UBQLN1: variants seen among roughly 807,000 people sequenced by gnomAD.
UBQLN1 encodes ubiquilin 1, also known as ubiquilin-1.
UBQLN1 carries 13 observed loss-of-function variants against 65.4 expected under a neutral mutation model. That is an observed-to-expected ratio of 0.20 (90% confidence interval 0.13 to 0.32). The LOEUF (loss-of-function observed/expected upper bound fraction) is 0.32, where lower values mean the gene tolerates loss of function less well. UBQLN1 is among the 10% of genes least tolerant of loss of function. The probability of loss-of-function intolerance (pLI) is 1.00; values close to 1 mark genes in which losing one functional copy is unlikely to be tolerated. For synonymous variants in UBQLN1, 267 were observed against 247.8 expected (o/e 1.08, Z -0.73); for missense variants, 561 against 724.0 (o/e 0.77, Z 2.58).
intron 1 of UBQLN1, among the ~76,000 whole-genome samples, chr9:83,703,249 C>T (rs755506407): frequency 4.6e-5 from 7 of 152,066 alleles, no homozygotes; most frequent in East Asian, 1.9e-4. Flanking sequence ...GGTTGAGCAT[C>T]CCCAATCCAA....
At chr9:83,662,939 G>A (rs546035980) in intron 10 of UBQLN1, among the ~76,000 whole-genome samples, 3 of 152,052 alleles carry the variant, frequency 2.0e-5, no homozygotes, top group Non-Finnish European at 4.4e-5. Flanking sequence ...AGCCAGGTGT[G>A]GTGGTCTGCG....
At position 83,661,071 on chromosome 9, in the gene UBQLN1, T is replaced by C. The variant is rs1334356985; in HGVS notation, c.*716A>G. ...TTACATTATGTGTCTGTACAATTAA[T>C]TGTCCTTAAAGAGATAACCAGAATC... On this transcript the variant is annotated 3_prime_UTR_variant, in exon 11 of 11. Transcript: ENST00000376395. The C allele has an allele frequency of 1.3e-5, 2 of 152,200 alleles. No individual in the cohort carries two copies. The highest frequency in any genetic ancestry group is 1.3e-4 in the Admixed American group (2 of 15,290). The allele number at this position is 152,200 out of a possible 1,614,324, so 9.4% of individuals were successfully genotyped here.
rs775538559 is a variant in UBQLN1, at chr9:83,664,075, G to A, written c.1449-32C>T. On this transcript the variant is annotated intron_variant, in intron 9 of 10. Transcript: ENST00000376395. ...AAAGCACAAATAGGAAATATCCTAA[G>A]GTCCTGCAAAACCAGAAGCCAGTCC... The A allele has an allele frequency of 1.9e-6, 3 of 1,585,268 alleles. 1 individual carries two copies. Among genetic ancestry groups the A allele is most frequent in the East Asian group, 2.2e-5 (1 of 44,518 alleles).
chr9:83,663,828 T>C, intron 10 of UBQLN1, 47 bp downstream of exon 10: 1 of 1,566,158 alleles, frequency 6.4e-7, no homozygotes, highest in Non-Finnish European at 8.6e-7. Context: ...AATTTCTAAA[T>C]TTCCAACATT....
At chr9:83,694,802 C>T (rs1255757350) in intron 1 of UBQLN1, among the ~76,000 whole-genome samples, 2 of 152,072 alleles carry the variant, frequency 1.3e-5, no homozygotes, top group Non-Finnish European at 1.5e-5. Context: ...TTTATGCATA[C>T]GATGTCACAA....
At chr9:83,666,506 C>A in intron 7 of UBQLN1, 73 bp from the exon 8 acceptor site, 1 of 1,483,454 alleles carries the variant, frequency 6.7e-7, no homozygotes, top group East Asian at 2.3e-5. Context: ...TTTATTCTAT[C>A]TTCCCCCAAG....
In UBQLN1 at chr9:83,671,005, A is replaced by G. The variant is rs1452869592; in HGVS notation, c.1106-1678T>C. On this transcript the variant is annotated intron_variant, in intron 6 of 10. Coordinates refer to ENST00000376395, the MANE Select transcript of UBQLN1 (RefSeq NM_013438.5). ...AGATGGAGTCTCGCTTTTGTCACCCAGGCTGGAGTGAGGGGAGTGGCACGA... is the reference window on the plus strand; with the variant it reads ...AGATGGAGTCTCGCTTTTGTCACCCGGGCTGGAGTGAGGGGAGTGGCACGA... Among the ~76,000 whole-genome samples the G allele has an allele frequency of 2.0e-5, 3 of 152,058 alleles. No individual in the cohort carries two copies. The East Asian group carries it at 5.8e-4, about 29-fold the overall frequency.
Position 83,707,631 on chromosome 9 carries a change from C to T in UBQLN1, c.49G>A (p.Ala17Thr), listed in dbSNP as rs1393367699. ...SGGPPGSQDS[A>T]AGAEGAGAPA... ...GCGCCAGCACCTTCGGCTCCGGCGGCGCTATCCTGGGAGCCCGGAGGACCG... is the reference window on the plus strand; with the variant it reads ...GCGCCAGCACCTTCGGCTCCGGCGGTGCTATCCTGGGAGCCCGGAGGACCG... Residue 17 changes from alanine to threonine, a missense_variant, in exon 1 of 11, where the codon GCC (alanine) becomes ACC (threonine). Ala to Thr is a moderately conservative substitution (Grantham distance 58). This residue lies in a region of UBQLN1 where 101 missense variants were observed against 104.9 expected (regional missense o/e 0.96). Coordinates refer to ENST00000376395, the MANE Select transcript of UBQLN1 (RefSeq NM_013438.5). 1.3e-6 allele frequency: 2 copies of T among 1,578,688 alleles called. No homozygotes were observed. The highest frequency in any genetic ancestry group is 2.7e-5 in the African/African-American group (2 of 73,958).
intron 6 of UBQLN1, among the ~76,000 whole-genome samples, chr9:83,671,935 G>A (rs1426081059): frequency 1.3e-5 from 2 of 152,202 alleles, no homozygotes; most frequent in African/African-American, 2.4e-5. Context: ...ATGTGGCCAC[G>A]TTCCTTGATG....
At position 83,663,984 on chromosome 9, in the gene UBQLN1, G is replaced by C. The variant is rs151070080; in HGVS notation, c.1508C>G (p.Ser503Cys). 517 of 1,614,020 alleles carry C rather than the reference G, an allele frequency of 3.2e-4. No individual in the cohort carries two copies. The highest frequency in any genetic ancestry group is 4.2e-4 in the Non-Finnish European group (494 of 1,180,018). Residue 503 changes from serine to cysteine, a missense_variant, in exon 10 of 11, where the codon TCT (serine) becomes TGT (cysteine). By Grantham distance (112) the Ser-to-Cys change is moderately radical (BLOSUM62 -1). Transcript: ENST00000376395. ...STGGSSGTNG[S>C]NATPSENTSP... The stretch of plus-strand genomic sequence containing the variant: ...TGTGTTTTCACTAGGTGTGGCGTTA[G>C]ATCCATTAGTTCCCGAAGAGCCTCC...
chr9:83,688,973 T>TA (rs566622902), intron 1 of UBQLN1, among the ~76,000 whole-genome samples: 74 of 152,362 alleles, frequency 4.9e-4, no homozygotes, highest in African/African-American at 1.7e-3. Flanking sequence ...TTCACTCATT[T>TA]AAAGTATACG....
chr9:83,673,209 G>A (rs1027561131), intron 6 of UBQLN1, among the ~76,000 whole-genome samples: 4 of 152,204 alleles, frequency 2.6e-5, no homozygotes, highest in East Asian at 1.9e-4. Context: ...CAGCCTGGGC[G>A]ACGACTCTGT....
At chr9:83,682,861 ATG>A in intron 3 of UBQLN1, 88 bp downstream of exon 3, 1 of 577,322 alleles carries the variant, frequency 1.7e-6, no homozygotes. Context: ...AAGTGACATA[ATG>A]TTTTATTTTC....
intron 1 of UBQLN1, among the ~76,000 whole-genome samples, chr9:83,697,758 CGAA>C (rs200362898): frequency 0.012 from 1,294 of 106,914 alleles, 24 homozygotes; most frequent in African/African-American, 0.041. Context: ...TTTTTTGAGA[CGAA>C]GTCTCACTCT....
chr9:83,661,605 C>T lies in UBQLN1; in HGVS notation c.*182G>A. The T allele has an allele frequency of 1.8e-6, 1 of 562,160 alleles. No individual in the cohort carries two copies. Among genetic ancestry groups the T allele is most frequent in the Non-Finnish European group, 2.8e-6 (1 of 353,234 alleles). 34.8% of individuals were successfully genotyped at this position (562,160 alleles called of 1,614,324 possible). A position where few individuals can be genotyped will look rare whatever the true frequency, so the allele number is the denominator to read the frequency against. On this transcript the variant is annotated 3_prime_UTR_variant, in exon 11 of 11. Coordinates refer to ENST00000376395, the MANE Select transcript of UBQLN1 (RefSeq NM_013438.5). Reference sequence around the variant, plus strand: ...GCAGTAGCCTTAATTCCCACTGTTCCAGAAAAGAAAAATACAGAAAAACCC... The same window carrying T: ...GCAGTAGCCTTAATTCCCACTGTTCTAGAAAAGAAAAATACAGAAAAACCC...
chr9:83,666,390 T>C lies in UBQLN1; in HGVS notation c.1292A>G (p.Gln431Arg). Residue 431 changes from glutamine to arginine, a missense_variant, in exon 8 of 11, where the codon CAA (glutamine) becomes CGA (arginine). By Grantham distance (43) the Gln-to-Arg change is conservative. Around this residue, in one of 8 missense-constraint regions of UBQLN1, gnomAD observed 102 missense variants for 150.7 expected, o/e 0.68. Coordinates refer to ENST00000376395, the MANE Select transcript of UBQLN1 (RefSeq NM_013438.5). ...NPLFAGNPQL[Q>R]EQMRQQLPTF... ...TGGGAGCTGTTGTCTCATTTGTTCT[T>C]GAAGCTGAGGATTTCCAGCAAATAG... 6.2e-7 allele frequency: 1 copy of C among 1,613,940 alleles called. No homozygotes were observed.
At chr9:83,666,786 T>G (rs1831651119) in intron 7 of UBQLN1, 1 of 191,396 alleles carries the variant, frequency 5.2e-6, no homozygotes, top group African/African-American at 2.3e-5. Flanking sequence ...ATATATTTTC[T>G]ACTACACTGG....
intron 1 of UBQLN1, among the ~76,000 whole-genome samples, chr9:83,700,250 T>G (rs1172680004): frequency 1.3e-5 from 2 of 151,912 alleles, no homozygotes; most frequent in Non-Finnish European, 2.9e-5. Context: ...AGAGTGAACA[T>G]CATGAAGCAG....
At chr9:83,700,422 G>C (rs2131187696) in intron 1 of UBQLN1, among the ~76,000 whole-genome samples, 1 of 152,322 alleles carries the variant, frequency 6.6e-6, no homozygotes, top group South Asian at 2.1e-4. Context: ...TAATGGACTA[G>C]ATTCATCTGT....
Sources: allele counts gnomAD v4.1 joint callset (sites outside exome capture counted in the v4.1 genomes callset), GRCh38; gene constraint gnomAD v4.1.1; regional missense constraint gnomAD v4.1.1; transcripts MANE v1.5; gene names NCBI Gene and HGNC (gene_info 2026-07-23, HGNC 2026-07-21).